EFNA5: variants seen among roughly 807,000 people sequenced by gnomAD.
EFNA5 encodes the protein ephrin A5.
In EFNA5, 5 loss-of-function variants were observed where a neutral mutation model predicts 22.9. The observed-to-expected ratio is 0.22, with a 90% CI of 0.11 to 0.46. The LOEUF (loss-of-function observed/expected upper bound fraction) is 0.46. Ranked by LOEUF, EFNA5 falls within the 20% of genes least tolerant of loss-of-function variation. The pLI, the probability that EFNA5 is intolerant of heterozygous loss-of-function variation, is 0.99. For missense variants in EFNA5, 237 were observed against 293.3 expected (o/e 0.81, Z 1.40); for synonymous variants, 113 against 112.2 (o/e 1.01, Z -0.04).
intron 2 of EFNA5, among the ~76,000 whole-genome samples, chr5:107,388,721 T>TC (rs1296681670): frequency 5.3e-5 from 8 of 152,178 alleles, no homozygotes; most frequent in African/African-American, 1.9e-4. Context: ...TCGCATACTT[T>TC]CCTCCCTATG....
At chr5:107,640,294 T>A (rs1232702359) in intron 1 of EFNA5, among the ~76,000 whole-genome samples, 4 of 152,142 alleles carry the variant, frequency 2.6e-5, no homozygotes, top group Non-Finnish European at 5.9e-5. Flanking sequence ...TTCAGCCTGC[T>A]TCCAGAAGTA....
intron 1 of EFNA5, among the ~76,000 whole-genome samples, chr5:107,565,617 T>C (rs1748649612): frequency 6.6e-6 from 1 of 152,224 alleles, no homozygotes; most frequent in Non-Finnish European, 1.5e-5. Context: ...ATGTTTTATG[T>C]CCATCTAGAA....
chr5:107,434,179 A>G lies in EFNA5; in HGVS notation c.126-6670T>C, dbSNP rs186594983. On this transcript the variant is annotated intron_variant, in intron 1 of 4. Transcript: ENST00000333274. Reference sequence around the variant, plus strand: ...TGAAAAAGGTACATCTACTACTTGAATAGTCTAGGTCCTTTACTAGTCTCA... The same window carrying G: ...TGAAAAAGGTACATCTACTACTTGAGTAGTCTAGGTCCTTTACTAGTCTCA... 1.9e-3 allele frequency among the ~76,000 whole-genome samples: 291 copies of G among 152,332 alleles called. 2 individuals carry two copies. Among genetic ancestry groups the G allele is most frequent in the Non-Finnish European group, 3.6e-3 (243 of 68,028 alleles).
At chr5:107,664,500 T>C (rs1751029231) in intron 1 of EFNA5, among the ~76,000 whole-genome samples, 1 of 152,150 alleles carries the variant, frequency 6.6e-6, no homozygotes, top group South Asian at 2.1e-4. Context: ...CAGACTAAAA[T>C]ATAAATTTGA....
At chr5:107,583,401 A>G (rs1281200616) in intron 1 of EFNA5, among the ~76,000 whole-genome samples, 1 of 152,352 alleles carries the variant, frequency 6.6e-6, no homozygotes, top group Non-Finnish European at 1.5e-5. Context: ...AATAATTTGG[A>G]TATAAAAATA....
chr5:107,420,690 G>A (rs1341713952), intron 2 of EFNA5, among the ~76,000 whole-genome samples: 1 of 152,000 alleles, frequency 6.6e-6, no homozygotes, highest in Non-Finnish European at 1.5e-5. Flanking sequence ...CTTGAGCCCT[G>A]TAATTTATCT....
intron 1 of EFNA5, among the ~76,000 whole-genome samples, chr5:107,543,873 C>T (rs1358954726): frequency 2.0e-5 from 3 of 152,130 alleles, no homozygotes; most frequent in Non-Finnish European, 4.4e-5. Flanking sequence ...AATACCGAAC[C>T]TATAAGCATC....
chr5:107,543,163 C>T (rs978895033), intron 1 of EFNA5, among the ~76,000 whole-genome samples: 3 of 152,120 alleles, frequency 2.0e-5, no homozygotes, highest in African/African-American at 7.2e-5. Flanking sequence ...GGCAGAGTTA[C>T]ACAACAGCTG....
intron 2 of EFNA5, among the ~76,000 whole-genome samples, chr5:107,395,164 G>A (rs1278253840): frequency 6.7e-6 from 1 of 149,858 alleles, no homozygotes; most frequent in Non-Finnish European, 1.5e-5. Context: ...TCAGCCTCCT[G>A]AGTAGCTGGG....
intron 2 of EFNA5, among the ~76,000 whole-genome samples, chr5:107,399,732 G>C (rs919349162): frequency 6.6e-6 from 1 of 152,196 alleles, no homozygotes; most frequent in Non-Finnish European, 1.5e-5. Flanking sequence ...AAACTGTGCT[G>C]AGGGATACAA....
chr5:107,424,650 A>G (rs1426201214), intron 2 of EFNA5, among the ~76,000 whole-genome samples: 2 of 152,144 alleles, frequency 1.3e-5, no homozygotes, highest in Non-Finnish European at 2.9e-5. Context: ...TCAGCAATAG[A>G]GCATCTTGTA....
chr5:107,669,833 G>A (rs569115348), intron 1 of EFNA5, among the ~76,000 whole-genome samples: 1 of 152,118 alleles, frequency 6.6e-6, no homozygotes, highest in Non-Finnish European at 1.5e-5. Context: ...TGGGGTGGGT[G>A]GAGGGATGGA....
At chr5:107,391,434 A>G (rs1747792950) in intron 2 of EFNA5, among the ~76,000 whole-genome samples, 1 of 152,200 alleles carries the variant, frequency 6.6e-6, no homozygotes, top group South Asian at 2.1e-4. Context: ...GCTAACCAGC[A>G]GCAACTGGGA....
intron 1 of EFNA5, among the ~76,000 whole-genome samples, chr5:107,589,068 G>A (rs78708560): frequency 9.6e-4 from 146 of 152,308 alleles, no homozygotes; most frequent in South Asian, 2.1e-3. Flanking sequence ...GGCAGTATGA[G>A]AGTGAAACCC....
At chr5:107,615,147 T>A (rs1213128227) in intron 1 of EFNA5, among the ~76,000 whole-genome samples, 1 of 148,356 alleles carries the variant, frequency 6.7e-6, no homozygotes, top group Admixed American at 6.7e-5. Context: ...CTTCCACCTT[T>A]AAAAAAAAAA....
At chr5:107,442,470 T>C (rs1351430007) in intron 1 of EFNA5, among the ~76,000 whole-genome samples, 1 of 152,108 alleles carries the variant, frequency 6.6e-6, no homozygotes, top group African/African-American at 2.4e-5. Context: ...TTCAAAGCAA[T>C]CCCCTCAACC....
intron 1 of EFNA5, among the ~76,000 whole-genome samples, chr5:107,449,547 A>G (rs1005550962): frequency 3.3e-5 from 5 of 151,654 alleles, no homozygotes; most frequent in African/African-American, 9.7e-5. Context: ...AACCCTTCCA[A>G]CAGCCAAAGC....
chr5:107,560,864 G>C (rs1200660637), intron 1 of EFNA5, among the ~76,000 whole-genome samples: 3 of 152,186 alleles, frequency 2.0e-5, no homozygotes, highest in Non-Finnish European at 4.4e-5. Context: ...GCCAGGAATG[G>C]CTGCATGGAC....
chr5:107,510,302 C>T (rs1208605545), intron 1 of EFNA5, among the ~76,000 whole-genome samples: 1 of 152,232 alleles, frequency 6.6e-6, no homozygotes, highest in Non-Finnish European at 1.5e-5. Context: ...CCTACATGGT[C>T]TGAAATGGGG....
Sources: allele counts gnomAD v4.1 joint callset (sites outside exome capture counted in the v4.1 genomes callset), GRCh38; gene constraint gnomAD v4.1.1; transcripts MANE v1.5; gene names NCBI Gene and HGNC (gene_info 2026-07-23, HGNC 2026-07-21).